CSRNP3: variants seen among roughly 807,000 people sequenced by gnomAD.
CSRNP3 encodes the protein cysteine and serine rich nuclear protein 3, also known as cysteine/serine-rich nuclear protein 3.
Under a neutral mutation model 48.0 loss-of-function variants are expected in CSRNP3, and 12 were observed. That is an observed-to-expected ratio of 0.25 (90% CI 0.16 to 0.41). The LOEUF (loss-of-function observed/expected upper bound fraction) is 0.41, where lower values mean the gene tolerates loss of function less well. Ranked by LOEUF, CSRNP3 falls within the 10% of genes least tolerant of loss-of-function variation. The pLI, the probability that CSRNP3 is intolerant of heterozygous loss-of-function variation, is 1.00. For missense variants in CSRNP3, 580 were observed against 724.4 expected (o/e 0.80, Z 2.29); for synonymous variants, 263 against 269.7 (o/e 0.98, Z 0.24).
chr2:165,546,326 A>G (rs1558930790), intron 3 of CSRNP3, among the ~76,000 whole-genome samples: 1 of 151,914 alleles, frequency 6.6e-6, no homozygotes, highest in African/African-American at 2.4e-5. Context: ...CCGAGTAGCT[A>G]GGATTACAGG....
chr2:165,602,692 C>T (rs1032910527), intron 4 of CSRNP3, among the ~76,000 whole-genome samples: 16 of 152,098 alleles, frequency 1.1e-4, no homozygotes, highest in Non-Finnish European at 2.2e-4. Context: ...AATAGTTAAC[C>T]ACTGCTACTT....
intron 5 of CSRNP3, among the ~76,000 whole-genome samples, chr2:165,674,577 C>A (rs1349275451): frequency 1.4e-5 from 2 of 146,556 alleles, no homozygotes; most frequent in South Asian, 2.2e-4. Flanking sequence ...GAATGTGTAC[C>A]TTTTCATGAT....
chr2:165,676,463 G>A lies in CSRNP3; in HGVS notation c.560G>A (p.Arg187His), dbSNP rs764377242. 1.1e-5 allele frequency: 17 copies of A among 1,614,020 alleles called. No individual in the cohort carries two copies. The highest frequency in any genetic ancestry group is 4.5e-5 in the East Asian group (2 of 44,882). The stretch of plus-strand genomic sequence containing the variant: ...ACAAAAAAACGAAGAGCTCTGCTGC[G>A]TGCCTCTGGAGTGAAAAAGATTGAC... Reference protein sequence around the residue: ...LPTKKRRALLRASGVKKIDVE... With the variant: ...LPTKKRRALLHASGVKKIDVE... The change falls in exon 6 of 7, where the codon CGT (arginine) becomes CAT (histidine). Residue 187 changes from arginine (R) to histidine (H), a missense_variant. Arg to His is a conservative substitution (Grantham distance 29, BLOSUM62 0). This residue lies in a region of CSRNP3 where 66 missense variants were observed against 137.6 expected (regional missense o/e 0.48). Coordinates refer to ENST00000651982, the MANE Select transcript of CSRNP3 (RefSeq NM_001172173.2).
intron 2 of CSRNP3, among the ~76,000 whole-genome samples, chr2:165,496,002 A>T (rs1684279220): frequency 6.6e-6 from 1 of 152,040 alleles, no homozygotes; most frequent in Admixed American, 6.6e-5. Flanking sequence ...TAATTTTAAA[A>T]AAATTACACT....
chr2:165,523,604 T>C (rs185070279), intron 3 of CSRNP3, among the ~76,000 whole-genome samples: 1 of 152,192 alleles, frequency 6.6e-6, no homozygotes, highest in African/African-American at 2.4e-5. Flanking sequence ...TTAACTACAT[T>C]TTTCTTCTTT....
chr2:165,486,739 CTGTT>C, intron 1 of CSRNP3, among the ~76,000 whole-genome samples: 1 of 79,526 alleles, frequency 1.3e-5, no homozygotes, highest in African/African-American at 5.2e-5. Context: ...AGGGTCCTGT[CTGTT>C]AGAAGGAAAA....
intron 3 of CSRNP3, among the ~76,000 whole-genome samples, chr2:165,583,716 G>T (rs1474607768): frequency 6.6e-6 from 1 of 152,110 alleles, no homozygotes; most frequent in Non-Finnish European, 1.5e-5. Context: ...CACTTCCCCG[G>T]TCTTCATGTT....
At chr2:165,590,287 CA>C (rs1277603609) in intron 3 of CSRNP3, among the ~76,000 whole-genome samples, 2 of 152,142 alleles carry the variant, frequency 1.3e-5, no homozygotes, top group African/African-American at 4.8e-5. Flanking sequence ...AACATTCATG[CA>C]GAAAGACATG....
At chr2:165,506,657 T>C (rs1684430280) in intron 2 of CSRNP3, among the ~76,000 whole-genome samples, 1 of 152,156 alleles carries the variant, frequency 6.6e-6, no homozygotes, top group African/African-American at 2.4e-5. Flanking sequence ...TCTGAGTTTC[T>C]TTTTCCTTTT....
intron 4 of CSRNP3, among the ~76,000 whole-genome samples, chr2:165,625,462 A>AT (rs1364990820): frequency 6.7e-6 from 1 of 150,150 alleles, no homozygotes; most frequent in Non-Finnish European, 1.5e-5. Flanking sequence ...CCTGTCTCTA[A>AT]TAAAAAAAAA....
chr2:165,574,689 T>C (rs16850922), intron 3 of CSRNP3, among the ~76,000 whole-genome samples: 58,173 of 151,930 alleles, frequency 0.38, 11,272 homozygotes, highest in South Asian at 0.48. Flanking sequence ...AAGTTCTTTA[T>C]TGAAGAGAGA....
At position 165,678,995 on chromosome 2, in the gene CSRNP3, G is replaced by A; in HGVS notation, c.1000G>A (p.Glu334Lys). 1.2e-6 allele frequency: 2 copies of A among 1,614,022 alleles called. No homozygotes were observed. The highest frequency in any genetic ancestry group is 1.7e-6 in the Non-Finnish European group (2 of 1,179,992). Residue 334 changes from glutamate to lysine, a missense_variant, in exon 7 of 7, where the codon GAA (glutamate) becomes AAA (lysine). Glu to Lys is a moderately conservative substitution (Grantham distance 56). This residue lies in a region of CSRNP3 where 369 missense variants were observed against 380.8 expected (regional missense o/e 0.97). Coordinates refer to ENST00000651982, the MANE Select transcript of CSRNP3 (RefSeq NM_001172173.2). ...QAAVLHLQSA[E>K]ELDCQGEEEE... is the part of the protein sequence containing the mutation. ...TGCAGTGCTGCACCTGCAGTCGGCT[G>A]AAGAATTAGATTGCCAAGGAGAGGA...
intron 3 of CSRNP3, among the ~76,000 whole-genome samples, chr2:165,539,131 G>C (rs774679000): frequency 2.6e-5 from 4 of 151,924 alleles, no homozygotes; most frequent in Non-Finnish European, 5.9e-5. Flanking sequence ...CAACCTGATG[G>C]TATATTTATG....
In CSRNP3 at chr2:165,596,262, A is replaced by T. The variant is rs1156266554; in HGVS notation, c.148+1049A>T. ...GTAATCTATAGTCTAAAGGAAACTG[A>T]CTAGCATAGTTAAATAATCTTTTTA... On this transcript the variant is annotated intron_variant, in intron 4 of 6. Transcript: ENST00000651982. Among the ~76,000 whole-genome samples, 3 of 151,912 alleles carry T rather than the reference A, an allele frequency of 2.0e-5. No homozygotes were observed. In the East Asian group the frequency reaches 5.8e-4, roughly 29 times the overall value.
intron 5 of CSRNP3, among the ~76,000 whole-genome samples, chr2:165,658,340 GA>G (rs1299438056): frequency 6.6e-6 from 1 of 152,038 alleles, no homozygotes; most frequent in Non-Finnish European, 1.5e-5. Context: ...TAGAATAGTA[GA>G]AAAGAAAAAT....
chr2:165,504,235 C>T (rs1016579186), intron 2 of CSRNP3, among the ~76,000 whole-genome samples: 1 of 152,006 alleles, frequency 6.6e-6, no homozygotes, highest in Non-Finnish European at 1.5e-5. Flanking sequence ...TTACACAAGA[C>T]AGCACTACCA....
chr2:165,658,562 T>C (rs1328184758), intron 5 of CSRNP3, among the ~76,000 whole-genome samples: 1 of 152,140 alleles, frequency 6.6e-6, no homozygotes, highest in Non-Finnish European at 1.5e-5. Context: ...AAGCCAGAGC[T>C]ACTGTATTAG....
rs549179413 is a variant in CSRNP3, at chr2:165,632,416, G to A, written c.149-25345G>A. On this transcript the variant is annotated intron_variant, in intron 4 of 6. Coordinates refer to ENST00000651982, the MANE Select transcript of CSRNP3 (RefSeq NM_001172173.2). ...CCCATCTACTTGAGAGGCTGAGATG[G>A]GAGAATTGCTTGAGCCCAGGAGTTT... is the stretch of plus-strand genomic sequence containing the variant. Among the ~76,000 whole-genome samples the A allele has an allele frequency of 1.8e-3, 276 of 152,130 alleles. 11 individuals are homozygous for A. The South Asian group carries it at 0.055, about 30-fold the overall frequency.
intron 5 of CSRNP3, among the ~76,000 whole-genome samples, chr2:165,668,091 G>A (rs1418854303): frequency 6.6e-6 from 1 of 152,120 alleles, no homozygotes; most frequent in African/African-American, 2.4e-5. Flanking sequence ...GTATGATAGG[G>A]GAGATAAACA....
Sources: allele counts gnomAD v4.1 joint callset (sites outside exome capture counted in the v4.1 genomes callset), GRCh38; gene constraint gnomAD v4.1.1; regional missense constraint gnomAD v4.1.1; transcripts MANE v1.5; gene names NCBI Gene and HGNC (gene_info 2026-07-23, HGNC 2026-07-21).